Variants in RAD18 observed in about 807,000 individuals in gnomAD.
RAD18 encodes the protein RAD18 E3 ubiquitin protein ligase, also known as E3 ubiquitin-protein ligase RAD18.
RAD18 carries 47 observed loss-of-function variants against 60.4 expected under a neutral mutation model. That is an observed-to-expected ratio of 0.78 (90% CI 0.62 to 0.99). RAD18 has a LOEUF of 0.99. Ranked by LOEUF, RAD18 falls within the 50% of genes least tolerant of loss-of-function variation. RAD18 has a pLI of 0.00. For missense variants in RAD18, 640 were observed against 593.3 expected (o/e 1.08, Z -0.82); for synonymous variants, 225 against 195.5 (o/e 1.15, Z -1.26).
At chr3:8,940,791 G>A (rs2124828903) in intron 5 of RAD18, among the ~76,000 whole-genome samples, 1 of 152,342 alleles carries the variant, frequency 6.6e-6, no homozygotes, top group Middle Eastern at 3.4e-3. Flanking sequence ...GTATAGAACA[G>A]GGGCCGGCAA....
intron 7 of RAD18, among the ~76,000 whole-genome samples, chr3:8,918,896 A>G (rs1362512567): frequency 1.3e-5 from 2 of 152,164 alleles, no homozygotes; most frequent in Non-Finnish European, 2.9e-5. Flanking sequence ...ATGTCAGTGG[A>G]AGCCTAGTGA....
chr3:8,895,466 A>G (rs2125048745), intron 11 of RAD18, among the ~76,000 whole-genome samples: 1 of 152,328 alleles, frequency 6.6e-6, no homozygotes, highest in Admixed American at 6.5e-5. Flanking sequence ...CTTACTTAGT[A>G]GTTTTTCTAA....
intron 5 of RAD18, among the ~76,000 whole-genome samples, chr3:8,940,623 G>A (rs989478664): frequency 6.6e-6 from 1 of 152,138 alleles, no homozygotes; most frequent in Non-Finnish European, 1.5e-5. Flanking sequence ...AGAAGATACA[G>A]AAACAAAAAG....
rs374666316 is a variant in RAD18 at position 8,881,501 on chromosome 3, T to C, written c.1386-42A>G. 6 of 1,464,228 alleles carry C rather than the reference T, an allele frequency of 4.1e-6. No individual in the cohort carries two copies. The African/African-American group carries it at 8.4e-5, about 20-fold the overall frequency. The allele number at this position is 1,464,228 out of a possible 1,614,324, so 90.7% of individuals were successfully genotyped here. A position where few individuals can be genotyped will look rare whatever the true frequency, so the allele number is the denominator to read the frequency against. Reference sequence around the variant, plus strand: ...GAAATGACATCTTGGAAAGTAATGATTATTGTACAGCAGTTTCTAGTTTAC... The same window carrying C: ...GAAATGACATCTTGGAAAGTAATGACTATTGTACAGCAGTTTCTAGTTTAC... On this transcript the variant is annotated intron_variant, in intron 12 of 12. Transcript: ENST00000264926.
At chr3:8,949,769 T>G (rs753219960) in intron 2 of RAD18, among the ~76,000 whole-genome samples, 5 of 152,056 alleles carry the variant, frequency 3.3e-5, no homozygotes, top group Non-Finnish European at 7.4e-5. Context: ...CTGGAACCAG[T>G]GCTGGGGTGG....
At chr3:8,961,112 C>G (rs568086761) in intron 1 of RAD18, among the ~76,000 whole-genome samples, 6 of 152,208 alleles carry the variant, frequency 3.9e-5, no homozygotes, top group Non-Finnish European at 8.8e-5. Context: ...CCATCCTCTT[C>G]TGGTGGAGGA....
At chr3:8,915,309 A>C (rs943880703) in intron 7 of RAD18, among the ~76,000 whole-genome samples, 3 of 152,108 alleles carry the variant, frequency 2.0e-5, no homozygotes, top group Non-Finnish European at 4.4e-5. Context: ...ATAAAACTAT[A>C]ATTTTTCTTG....
intron 6 of RAD18, among the ~76,000 whole-genome samples, chr3:8,938,287 T>C (rs1190578557): frequency 2.0e-5 from 3 of 152,176 alleles, no homozygotes; most frequent in Non-Finnish European, 2.9e-5. Flanking sequence ...CACCATTGTG[T>C]CTTATATGTT....
chr3:8,954,958 C>T (rs980952188), intron 2 of RAD18, among the ~76,000 whole-genome samples: 1 of 152,104 alleles, frequency 6.6e-6, no homozygotes, highest in African/African-American at 2.4e-5. Flanking sequence ...AAAAAGTGCT[C>T]ATAAAATAAA....
intron 11 of RAD18, among the ~76,000 whole-genome samples, chr3:8,894,597 G>T (rs999382493): frequency 6.6e-6 from 1 of 152,030 alleles, no homozygotes; most frequent in Admixed American, 6.6e-5. Context: ...CTCCCACAAT[G>T]AAACAAGGAA....
chr3:8,950,497 C>T (rs999896971), intron 2 of RAD18, among the ~76,000 whole-genome samples: 4 of 152,168 alleles, frequency 2.6e-5, no homozygotes, highest in African/African-American at 7.2e-5. Flanking sequence ...AACTGAGGAG[C>T]GTTAGTAACA....
intron 3 of RAD18, 74 bp downstream of exon 3, chr3:8,948,435 G>A (rs1031146441): frequency 1.5e-6 from 2 of 1,325,488 alleles, no homozygotes; most frequent in African/African-American, 1.5e-5. Context: ...TATATACACA[G>A]GCTTTTACGT....
At chr3:8,933,447 G>C (rs1940594134) in intron 7 of RAD18, among the ~76,000 whole-genome samples, 1 of 152,134 alleles carries the variant, frequency 6.6e-6, no homozygotes, top group Non-Finnish European at 1.5e-5. Flanking sequence ...CACTTTCAAA[G>C]GATGTATTAC....
chr3:8,939,439 A>C, intron 6 of RAD18, 115 bp downstream of exon 6: 1 of 797,212 alleles, frequency 1.3e-6, no homozygotes, highest in Non-Finnish European at 2.0e-6. Flanking sequence ...AGAAGAAAGC[A>C]AGTAAGAGCA....
At chr3:8,955,429 T>C (rs1940992075) in intron 2 of RAD18, among the ~76,000 whole-genome samples, 1 of 152,310 alleles carries the variant, frequency 6.6e-6, no homozygotes, top group East Asian at 1.9e-4. Flanking sequence ...CTGGGTTGCT[T>C]GCTACTGATC....
intron 11 of RAD18, among the ~76,000 whole-genome samples, chr3:8,897,883 C>A (rs549345990): frequency 1.3e-5 from 2 of 151,394 alleles, no homozygotes; most frequent in Non-Finnish European, 2.9e-5. Flanking sequence ...CTGGCCAACA[C>A]GGTGAAACCC....
At chr3:8,942,136 A>G (rs1159323526) in intron 4 of RAD18, among the ~76,000 whole-genome samples, 1 of 152,172 alleles carries the variant, frequency 6.6e-6, no homozygotes, top group Admixed American at 6.5e-5. Flanking sequence ...CAAATCTCAC[A>G]CTGAAATGTG....
chr3:8,920,340 T>C (rs1452008036), intron 7 of RAD18, among the ~76,000 whole-genome samples: 1 of 152,002 alleles, frequency 6.6e-6, no homozygotes, highest in Non-Finnish European at 1.5e-5. Flanking sequence ...GGGCTCTTGT[T>C]TTCAGAATCA....
chr3:8,951,887 T>G (rs560782935), intron 2 of RAD18, among the ~76,000 whole-genome samples: 1 of 152,248 alleles, frequency 6.6e-6, no homozygotes, highest in East Asian at 1.9e-4. Flanking sequence ...TGCTGAAAGC[T>G]CTCTTTCTGG....
Sources: allele counts gnomAD v4.1 joint callset (sites outside exome capture counted in the v4.1 genomes callset), GRCh38; gene constraint gnomAD v4.1.1; transcripts MANE v1.5; gene names NCBI Gene and HGNC (gene_info 2026-07-23, HGNC 2026-07-21).